The following TECTA variants were observed in gnomAD, a reference collection of about 807,000 sequenced individuals.
TECTA encodes tectorin alpha.
A neutral mutation model predicts 216.8 loss-of-function variants in TECTA; 128 were observed. That is an observed-to-expected ratio of 0.59 (90% CI 0.51 to 0.68). The LOEUF is 0.68. TECTA is among the 30% of genes least tolerant of loss of function. The probability of loss-of-function intolerance (pLI) is 0.00; values close to 1 mark genes in which losing one functional copy is unlikely to be tolerated. For missense variants in TECTA, 2,551 were observed against 2,786.2 expected (o/e 0.92, Z 1.90); for synonymous variants, 1,089 against 1,117.1 (o/e 0.97, Z 0.50).
intron 8 of TECTA, among the ~76,000 whole-genome samples, chr11:121,126,915 A>G (rs1185853043): frequency 6.6e-6 from 1 of 152,234 alleles, no homozygotes; most frequent in South Asian, 2.1e-4. Flanking sequence ...CTAAAATGTT[A>G]CAATGGCCAC....
At chr11:121,126,367 A>T (rs1946612393) in intron 8 of TECTA, among the ~76,000 whole-genome samples, 1 of 152,248 alleles carries the variant, frequency 6.6e-6, no homozygotes, top group African/African-American at 2.4e-5. Context: ...GGAGTACAGC[A>T]TATGAGTAAA....
chr11:121,187,524 A>T (rs1272472395), intron 20 of TECTA, among the ~76,000 whole-genome samples: 1 of 152,260 alleles, frequency 6.6e-6, no homozygotes, highest in Non-Finnish European at 1.5e-5. Flanking sequence ...ACACAACATT[A>T]TGAGGGGGCG....
intron 7 of TECTA, among the ~76,000 whole-genome samples, chr11:121,121,891 A>G (rs1446768191): frequency 6.6e-6 from 1 of 152,100 alleles, no homozygotes; most frequent in Non-Finnish European, 1.5e-5. Context: ...CCAGCACAGA[A>G]CAATGGATAA....
At chr11:121,120,778 T>G (rs1350406689) in intron 7 of TECTA, among the ~76,000 whole-genome samples, 1 of 152,222 alleles carries the variant, frequency 6.6e-6, no homozygotes, top group Non-Finnish European at 1.5e-5. Context: ...ATACCAGTTC[T>G]CATCTTTCTT....
At chr11:121,125,199 T>A in intron 7 of TECTA, 103 bp from the exon 8 acceptor site, 1 of 1,212,842 alleles carries the variant, frequency 8.2e-7, no homozygotes, top group Non-Finnish European at 1.2e-6. Flanking sequence ...GTGGCCATTC[T>A]CTCTGGAGTG....
chr11:121,133,289 A>G (rs1946693079), intron 10 of TECTA, among the ~76,000 whole-genome samples: 1 of 151,964 alleles, frequency 6.6e-6, no homozygotes, highest in Admixed American at 6.6e-5. Context: ...TTCATGCCTC[A>G]TTACCCGTAA....
intron 12 of TECTA, among the ~76,000 whole-genome samples, chr11:121,152,220 C>T (rs594187): frequency 0.036 from 5,539 of 152,324 alleles, 339 homozygotes; most frequent in African/African-American, 0.12. Flanking sequence ...CAGACATGTG[C>T]ACGTGCACAC....
Position 121,125,512 on chromosome 11 carries a change from TTCC to T in TECTA, c.1418_1420del (p.Leu473del). The T allele has an allele frequency of 6.2e-7, 1 of 1,614,196 alleles. No individual in the cohort carries two copies. Among genetic ancestry groups the T allele is most frequent in the Non-Finnish European group, 8.5e-7 (1 of 1,180,042 alleles). ...CTATAATAAAAACCCACTGGATGAC[TTCC>T]TCCGCCCGGATGGCAGGCCGGCCAT... On this transcript the variant is annotated inframe_deletion, in exon 8 of 24. Transcript: ENST00000392793.
chr11:121,165,144 G>A (rs951742980), intron 16 of TECTA, 129 bp from the exon 17 acceptor site: 4 of 883,042 alleles, frequency 4.5e-6, no homozygotes, highest in South Asian at 4.3e-5. Context: ...TGCCCTGTCT[G>A]TTAACTGGCA....
chr11:121,125,155 C>T, intron 7 of TECTA, 147 bp from the exon 8 acceptor site: 1 of 826,072 alleles, frequency 1.2e-6, no homozygotes, highest in Non-Finnish European at 2.0e-6. Context: ...TTGCCTTAAT[C>T]AGAGGGAAGC....
intron 20 of TECTA, among the ~76,000 whole-genome samples, chr11:121,184,119 T>C (rs1231254951): frequency 2.6e-5 from 4 of 152,244 alleles, no homozygotes; most frequent in Non-Finnish European, 4.4e-5. Context: ...CAGGTGAATG[T>C]ATTAATCACA....
At chr11:121,141,525 G>A (rs879872373) in intron 11 of TECTA, among the ~76,000 whole-genome samples, 1 of 152,168 alleles carries the variant, frequency 6.6e-6, no homozygotes, top group Non-Finnish European at 1.5e-5. Flanking sequence ...GCTGCAGAAG[G>A]TGAGCCACTC....
At chr11:121,147,028 T>C (rs1333157090) in intron 12 of TECTA, among the ~76,000 whole-genome samples, 1 of 152,048 alleles carries the variant, frequency 6.6e-6, no homozygotes, top group Non-Finnish European at 1.5e-5. Flanking sequence ...TGCTGGACTA[T>C]GTAGTGGGGT....
chr11:121,127,883 G>T lies in TECTA; in HGVS notation c.1906G>T (p.Gly636Cys). ...CACAGAGGGCTGCGAGTGCAACCAG[G>T]GCTTCGTCCTCAGCACCAGCCAGTG... ...PCTEGCECNQ[G>C]FVLSTSQCVP... The change falls in exon 9 of 24, where the codon GGC becomes TGC. Residue 636 changes from glycine to cysteine, a missense_variant. By Grantham distance (159) the Gly-to-Cys change is radical. This residue lies in a region of TECTA where 2,375 missense variants were observed against 2,563.9 expected (regional missense o/e 0.93). Transcript: ENST00000392793. This position sits in a 1 kb window ranked among gnomAD's most constrained non-coding sequence, Gnocchi z 5.0. 6.2e-7 allele frequency: 1 copy of T among 1,614,070 alleles called. No individual in the cohort carries two copies. Among genetic ancestry groups the T allele is most frequent in the Non-Finnish European group, 8.5e-7 (1 of 1,180,018 alleles).
chr11:121,137,462 A>C lies in TECTA; in HGVS notation c.2983A>C (p.Thr995Pro). ...PENSHFEECITCTETCETLTL... is the reference protein window; with the variant it reads ...PENSHFEECIPCTETCETLTL... ...GAACAGCCACTTTGAGGAGTGCATCACATGTACAGAGACCTGTGAGACCCT... is the reference window on the plus strand; with the variant it reads ...GAACAGCCACTTTGAGGAGTGCATCCCATGTACAGAGACCTGTGAGACCCT... Residue 995 changes from threonine (T) to proline (P), a missense_variant, in exon 11 of 24, where the codon ACA becomes CCA. Thr to Pro is a conservative substitution (Grantham distance 38). This residue lies in a region of TECTA where 2,375 missense variants were observed against 2,563.9 expected (regional missense o/e 0.93). Coordinates refer to ENST00000392793, the MANE Select transcript of TECTA (RefSeq NM_005422.4). 1 of 1,613,938 alleles carries C rather than the reference A, an allele frequency of 6.2e-7. No homozygotes were observed. The highest frequency in any genetic ancestry group is 1.7e-5 in the Admixed American group (1 of 60,006).
chr11:121,102,378 C>T (rs1037748530), intron 1 of TECTA, among the ~76,000 whole-genome samples: 8 of 152,164 alleles, frequency 5.3e-5, no homozygotes, highest in South Asian at 2.1e-4. Context: ...TTCCTTTACG[C>T]ATACCACTCT....
Position 121,146,069 on chromosome 11 carries a change from A to C in TECTA, c.4058A>C (p.Gln1353Pro). The C allele has an allele frequency of 1.2e-6, 2 of 1,613,032 alleles. No homozygotes were observed. Among genetic ancestry groups the C allele is most frequent in the Non-Finnish European group, 1.7e-6 (2 of 1,180,034 alleles). ...CTGCAGAACTACGCCAGCACCTGCC[A>C]GACTCAGGGGATTACGGTGACTGGC... ...SWLQNYASTC[Q>P]TQGITVTGWR... Residue 1353 changes from glutamine to proline, a missense_variant, in exon 12 of 24, where the codon CAG (glutamine) becomes CCG (proline). Coordinates refer to ENST00000392793, the MANE Select transcript of TECTA (RefSeq NM_005422.4).
At position 121,101,391 on chromosome 11, in the gene TECTA, C is replaced by G. The variant is rs1946345725; in HGVS notation, c.-53C>G. 6.6e-6 allele frequency: 1 copy of G among 152,116 alleles called. No individual in the cohort carries two copies. Among genetic ancestry groups the G allele is most frequent in the Non-Finnish European group, 1.5e-5 (1 of 68,012 alleles). 9.4% of individuals were successfully genotyped at this position (152,116 alleles called of 1,614,324 possible). On this transcript the variant is annotated 5_prime_UTR_variant, in exon 1 of 24. Coordinates refer to ENST00000392793, the MANE Select transcript of TECTA (RefSeq NM_005422.4). ...TTTTACCTAATTTTTTCTGGCTTAC[C>G]AAGATTTGGCTTAATATTTCTGACT...
At chr11:121,108,319 A>G (rs924483428) in intron 3 of TECTA, among the ~76,000 whole-genome samples, 10 of 150,218 alleles carry the variant, frequency 6.7e-5, no homozygotes, top group Non-Finnish European at 1.5e-5. Context: ...GTACACACAC[A>G]TCACACCTCA....
Sources: gnomAD v4.1 joint callset for allele counts (sites outside exome capture counted in the v4.1 genomes callset) on GRCh38, gnomAD v4.1.1 for gene constraint, gnomAD v4.1.1 regional missense constraint, Gnocchi (gnomAD v3.1) non-coding constraint, MANE v1.5 for transcripts, NCBI Gene and HGNC (gene_info 2026-07-23, HGNC 2026-07-21) for gene names.